The following TRAPPC9 variants were observed in gnomAD, a reference collection of about 807,000 sequenced individuals.
TRAPPC9 encodes trafficking protein particle complex subunit 9.
In TRAPPC9, 83 loss-of-function variants were observed where a neutral mutation model predicts 124.0. The ratio of observed to expected loss-of-function variants is 0.67; its 90% CI spans 0.56 to 0.80. The LOEUF (loss-of-function observed/expected upper bound fraction) is 0.80. Among genes scored for constraint, TRAPPC9 ranks in the 30% least tolerant of loss-of-function variants. TRAPPC9 has a pLI of 0.00. For missense variants in TRAPPC9, 1,302 were observed against 1,508.3 expected (o/e 0.86, Z 2.27); for synonymous variants, 638 against 617.5 (o/e 1.03, Z -0.49).
chr8:140,026,882 T>A (rs991161856), intron 17 of TRAPPC9, among the ~76,000 whole-genome samples: 5 of 152,194 alleles, frequency 3.3e-5, no homozygotes, highest in African/African-American at 1.2e-4. Context: ...GATTTTTTTT[T>A]AATATTCAAG....
intron 17 of TRAPPC9, among the ~76,000 whole-genome samples, chr8:140,208,708 A>T (rs1215910377): frequency 1.3e-5 from 2 of 152,236 alleles, no homozygotes; most frequent in Non-Finnish European, 2.9e-5. Context: ...CTGGAAGTGC[A>T]GAGGTTCCTG....
intron 19 of TRAPPC9, among the ~76,000 whole-genome samples, chr8:139,985,768 C>T (rs1837203528): frequency 6.6e-6 from 1 of 152,114 alleles, no homozygotes; most frequent in Non-Finnish European, 1.5e-5. Flanking sequence ...ATATGAATAC[C>T]CTGGAAGCCA....
At chr8:140,235,790 A>C (rs2131398433) in intron 16 of TRAPPC9, among the ~76,000 whole-genome samples, 1 of 152,374 alleles carries the variant, frequency 6.6e-6, no homozygotes, top group South Asian at 2.1e-4. Flanking sequence ...TACATGCACA[A>C]GAATGTCTAT....
chr8:140,185,223 C>T (rs555662678), intron 17 of TRAPPC9, among the ~76,000 whole-genome samples: 83 of 152,200 alleles, frequency 5.5e-4, no homozygotes, highest in Admixed American at 1.2e-3. Flanking sequence ...ACACAGCACA[C>T]ATAAGGACAG....
chr8:140,352,009 T>C (rs749104051), intron 9 of TRAPPC9, among the ~76,000 whole-genome samples: 12 of 152,218 alleles, frequency 7.9e-5, no homozygotes, highest in Non-Finnish European at 1.3e-4. Context: ...CCATACCCTT[T>C]AGCCATCGCC....
At chr8:140,039,007 C>T (rs1841090604) in intron 17 of TRAPPC9, among the ~76,000 whole-genome samples, 1 of 152,206 alleles carries the variant, frequency 6.6e-6, no homozygotes, top group Admixed American at 6.5e-5. Context: ...GGGGCACAAA[C>T]CTGCAGGGTC....
intron 17 of TRAPPC9, among the ~76,000 whole-genome samples, chr8:140,050,451 T>C (rs1841915902): frequency 6.6e-6 from 1 of 152,056 alleles, no homozygotes; most frequent in Non-Finnish European, 1.5e-5. Flanking sequence ...CTCAGAGAAG[T>C]ATCATGTTGT....
At chr8:140,217,608 T>C (rs1587946748) in intron 17 of TRAPPC9, among the ~76,000 whole-genome samples, 2 of 62,976 alleles carry the variant, frequency 3.2e-5, no homozygotes, top group Non-Finnish European at 7.2e-5. Context: ...TACAGACACA[T>C]GTAAACACCT....
At chr8:139,814,757 T>C (rs1824712798) in intron 21 of TRAPPC9, among the ~76,000 whole-genome samples, 1 of 152,142 alleles carries the variant, frequency 6.6e-6, no homozygotes, top group African/African-American at 2.4e-5. Flanking sequence ...AGAAAAACAG[T>C]AGCTGTGAGC....
chr8:140,036,069 G>C (rs1203774948), intron 17 of TRAPPC9, among the ~76,000 whole-genome samples: 1 of 152,194 alleles, frequency 6.6e-6, no homozygotes, highest in African/African-American at 2.4e-5. Flanking sequence ...CTGGCTACGA[G>C]GGTCCATGTG....
chr8:140,282,047 G>C (rs1289038406), intron 14 of TRAPPC9, among the ~76,000 whole-genome samples: 2 of 152,198 alleles, frequency 1.3e-5, no homozygotes, highest in African/African-American at 4.8e-5. Flanking sequence ...GACCAGGACT[G>C]TCATGATCAG....
At chr8:140,005,128 C>T (rs560728810) in intron 18 of TRAPPC9, among the ~76,000 whole-genome samples, 2 of 152,320 alleles carry the variant, frequency 1.3e-5, no homozygotes, top group Admixed American at 6.5e-5. Flanking sequence ...TGCCACACTG[C>T]TATGGAGCTT....
chr8:140,079,969 AAGG>A (rs369523678), intron 17 of TRAPPC9, among the ~76,000 whole-genome samples: 30 of 152,002 alleles, frequency 2.0e-4, no homozygotes, highest in Admixed American at 4.6e-4. Context: ...AATGAAGAAG[AAGG>A]AGGAGGAGGA....
chr8:139,811,502 G>A (rs186093530), intron 21 of TRAPPC9, among the ~76,000 whole-genome samples: 41 of 152,374 alleles, frequency 2.7e-4, no homozygotes, highest in African/African-American at 9.4e-4. Flanking sequence ...ACAGCAGGAG[G>A]CATTATGTGA....
At chr8:140,130,840 T>G (rs2130705047) in intron 17 of TRAPPC9, among the ~76,000 whole-genome samples, 1 of 152,296 alleles carries the variant, frequency 6.6e-6, no homozygotes, top group East Asian at 1.9e-4. Flanking sequence ...AGTATGGGAT[T>G]GCGTCAAAAT....
chr8:140,089,231 C>T (rs1007467404), intron 17 of TRAPPC9, among the ~76,000 whole-genome samples: 2 of 152,164 alleles, frequency 1.3e-5, no homozygotes, highest in Non-Finnish European at 2.9e-5. Flanking sequence ...GCCTCTTCCC[C>T]CCCGAGTGTT....
At chr8:140,278,008 C>A (rs1309067768) in intron 14 of TRAPPC9, among the ~76,000 whole-genome samples, 1 of 152,226 alleles carries the variant, frequency 6.6e-6, no homozygotes, top group Non-Finnish European at 1.5e-5. Flanking sequence ...AAGCTTGGCA[C>A]GCCTGTGTCC....
At chr8:140,320,684 G>C (rs1301209720) in intron 9 of TRAPPC9, among the ~76,000 whole-genome samples, 1 of 152,218 alleles carries the variant, frequency 6.6e-6, no homozygotes, top group Non-Finnish European at 1.5e-5. Flanking sequence ...TTGAGGGTTT[G>C]TGAAGAGTAT....
intron 19 of TRAPPC9, among the ~76,000 whole-genome samples, chr8:139,979,502 AGAG>A (rs1194429366): frequency 3.3e-5 from 5 of 152,276 alleles, no homozygotes; most frequent in African/African-American, 1.2e-4. Flanking sequence ...GGTCGGCACC[AGAG>A]GAGATTAAAT....
Sources: allele counts gnomAD v4.1 joint callset (sites outside exome capture counted in the v4.1 genomes callset), GRCh38; gene constraint gnomAD v4.1.1; transcripts MANE v1.5; gene names NCBI Gene and HGNC (gene_info 2026-07-23, HGNC 2026-07-21).